ATG13: variants seen among roughly 807,000 people sequenced by gnomAD.
The protein encoded by ATG13 is autophagy-related protein 13.
A neutral mutation model predicts 65.5 loss-of-function variants in ATG13; 23 were observed. The observed-to-expected ratio is 0.35, with a 90% CI of 0.25 to 0.50. The LOEUF (loss-of-function observed/expected upper bound fraction) is 0.50, where lower values mean the gene tolerates loss of function less well. ATG13 is among the 20% of genes least tolerant of loss of function. ATG13 has a pLI of 0.98. For synonymous variants in ATG13, 252 were observed against 245.2 expected (o/e 1.03, Z -0.26); for missense variants, 566 against 677.0 (o/e 0.84, Z 1.82).
In ATG13 at chr11:46,659,441, C is replaced by G. The variant is rs763636074; in HGVS notation, c.745C>G (p.Gln249Glu). The G allele has an allele frequency of 1.2e-6, 2 of 1,613,982 alleles. No individual in the cohort carries two copies. Among genetic ancestry groups the G allele is most frequent in the Admixed American group, 3.3e-5 (2 of 60,002 alleles). ...GVIYPSVEDS[Q>E]EVCTTSFSTS... ...AATATACCCGTCTGTAGAAGACTCT[C>G]AAGAAGTGTGTACCACCTCTTTTTC... is the stretch of plus-strand genomic sequence containing the variant. The change falls in exon 11 of 19, where the codon CAA becomes GAA. Residue 249 changes from glutamine (Q) to glutamate (E), a missense_variant. Physicochemically the swap from Gln to Glu is conservative, Grantham distance 29 (BLOSUM62 2). This residue lies in a region of ATG13 where 387 missense variants were observed against 409.8 expected (regional missense o/e 0.94). Transcript: ENST00000683050.
intron 2 of ATG13, chr11:46,630,756 CAA>C (rs1319546777): frequency 6.6e-6 from 1 of 151,784 alleles, no homozygotes; most frequent in African/African-American, 2.4e-5. Flanking sequence ...TTTGCAGAAA[CAA>C]GGTGTCACTA....
chr11:46,655,243 C>CA (rs1448641348), intron 7 of ATG13, among the ~76,000 whole-genome samples: 10 of 152,018 alleles, frequency 6.6e-5, no homozygotes, highest in African/African-American at 1.9e-4. Context: ...ACTAAAAATA[C>CA]AAAAAATTAG....
chr11:46,645,928 C>T lies in ATG13; in HGVS notation c.209C>T (p.Ala70Val), dbSNP rs556193895. The T allele has an allele frequency of 8.7e-6, 14 of 1,614,202 alleles. No homozygotes were observed. The highest frequency in any genetic ancestry group is 1.2e-5 in the Non-Finnish European group (14 of 1,180,018). Reference sequence around the variant, plus strand: ...ACACATGAAGCAAAGAAGGCACTGGCAGGACAGCTGCCTGCAGTCGGGAGG... The same window carrying T: ...ACACATGAAGCAAAGAAGGCACTGGTAGGACAGCTGCCTGCAGTCGGGAGG... ...EVTHEAKKAL[A>V]GQLPAVGRSM... Residue 70 changes from alanine to valine, a missense_variant, in exon 5 of 19, where the codon GCA becomes GTA. Physicochemically the swap from Ala to Val is moderately conservative, Grantham distance 64 (BLOSUM62 0). Transcript: ENST00000683050.
In ATG13 at chr11:46,672,505, G is replaced by A; in HGVS notation, c.*173G>A. The A allele has an allele frequency of 6.8e-7, 1 of 1,480,344 alleles. No individual in the cohort carries two copies. The highest frequency in any genetic ancestry group is 9.0e-7 in the Non-Finnish European group (1 of 1,117,008). The allele number at this position is 1,480,344 out of a possible 1,614,324, so 91.7% of individuals were successfully genotyped here. A position where few individuals can be genotyped will look rare whatever the true frequency, so the allele number is the denominator to read the frequency against. ...CTCTTGGACCTCCTGGAGACTCCGT[G>A]GCGGCAGTCAAGCCCAGTGCCCAGT... On this transcript the variant is annotated 3_prime_UTR_variant, in exon 19 of 19. Transcript: ENST00000683050.
intron 11 of ATG13, among the ~76,000 whole-genome samples, chr11:46,660,915 G>T (rs1260290799): frequency 6.6e-6 from 1 of 151,818 alleles, no homozygotes; most frequent in South Asian, 2.1e-4. Flanking sequence ...TTGCCATGTT[G>T]CCCAGGCTGG....
At chr11:46,650,462 A>C (rs769357200) in intron 7 of ATG13, 145 bp downstream of exon 7, 3 of 1,144,730 alleles carry the variant, frequency 2.6e-6, no homozygotes, top group Non-Finnish European at 3.7e-6. Flanking sequence ...TGTGATCACT[A>C]TCCAGCCTGC....
chr11:46,641,760 A>T (rs1156670029), intron 2 of ATG13, among the ~76,000 whole-genome samples: 3 of 144,310 alleles, frequency 2.1e-5, no homozygotes, highest in Non-Finnish European at 3.0e-5. Context: ...GTTATACCTG[A>T]TTTTTTTTTT....
At chr11:46,623,617 G>A (rs1403354083) in intron 1 of ATG13, among the ~76,000 whole-genome samples, 3 of 151,916 alleles carry the variant, frequency 2.0e-5, no homozygotes, top group Non-Finnish European at 4.4e-5. Context: ...TAGTAGAAAT[G>A]GGGTTTCACC....
intron 5 of ATG13, among the ~76,000 whole-genome samples, chr11:46,647,270 T>G (rs1234442631): frequency 9.6e-6 from 1 of 103,666 alleles, no homozygotes; most frequent in East Asian, 3.2e-4. Flanking sequence ...TTTGGGTTTT[T>G]GTTTTTTTTG....
chr11:46,659,670 C>T, intron 11 of ATG13, 185 bp downstream of exon 11: 1 of 528,322 alleles, frequency 1.9e-6, no homozygotes, highest in Non-Finnish European at 3.4e-6. Flanking sequence ...TGTAATTATT[C>T]ATAACCTTCA....
intron 2 of ATG13, among the ~76,000 whole-genome samples, chr11:46,635,225 C>T (rs1276882672): frequency 2.0e-5 from 3 of 151,696 alleles, no homozygotes; most frequent in African/African-American, 4.9e-5. Flanking sequence ...AGGCTGGTCT[C>T]GAACTCCTGA....
At chr11:46,631,543 A>G (rs2051746500) in intron 2 of ATG13, among the ~76,000 whole-genome samples, 2 of 152,184 alleles carry the variant, frequency 1.3e-5, no homozygotes, top group Admixed American at 6.5e-5. Context: ...CAATGGGATA[A>G]TTTGTTTTTT....
chr11:46,621,219 T>C (rs1404250978), intron 1 of ATG13: 1 of 152,198 alleles, frequency 6.6e-6, no homozygotes, highest in Non-Finnish European at 1.5e-5. Flanking sequence ...TTCTCCATGT[T>C]GGTCAGGCTG....
At chr11:46,668,610 A>G (rs201947029) in intron 16 of ATG13, 34 bp downstream of exon 16, 4 of 1,594,996 alleles carry the variant, frequency 2.5e-6, no homozygotes, top group African/African-American at 2.7e-5. Context: ...TTCCCAGTAG[A>G]TGGTGCGCTA....
chr11:46,626,461 G>A (rs889451718), intron 1 of ATG13, among the ~76,000 whole-genome samples: 2 of 152,084 alleles, frequency 1.3e-5, no homozygotes, highest in African/African-American at 2.4e-5. Context: ...TATTGGCCAG[G>A]CTGATCTCGA....
intron 14 of ATG13, among the ~76,000 whole-genome samples, chr11:46,666,554 A>C (rs1253724278): frequency 6.6e-6 from 1 of 152,252 alleles, no homozygotes; most frequent in Non-Finnish European, 1.5e-5. Context: ...TTAGATAGGA[A>C]GTGAACGTTC....
intron 1 of ATG13, among the ~76,000 whole-genome samples, chr11:46,628,961 G>C (rs1433925619): frequency 6.7e-6 from 1 of 148,164 alleles, no homozygotes. Flanking sequence ...TTTGGAGACG[G>C]AGTCTCACTG....
intron 1 of ATG13, among the ~76,000 whole-genome samples, chr11:46,626,431 G>A (rs2049660469): frequency 6.6e-6 from 1 of 151,934 alleles, no homozygotes; most frequent in Non-Finnish European, 1.5e-5. Context: ...CTTATTTTGA[G>A]TAGAGACAGG....
At chr11:46,625,995 G>T (rs921167881) in intron 1 of ATG13, among the ~76,000 whole-genome samples, 1 of 152,052 alleles carries the variant, frequency 6.6e-6, no homozygotes, top group South Asian at 2.1e-4. Flanking sequence ...GGAGTCTGTC[G>T]CCCAGGCTGG....
Sources: gnomAD v4.1 joint callset for allele counts (sites outside exome capture counted in the v4.1 genomes callset) on GRCh38, gnomAD v4.1.1 for gene constraint, gnomAD v4.1.1 regional missense constraint, MANE v1.5 for transcripts, NCBI Gene and HGNC (gene_info 2026-07-23, HGNC 2026-07-21) for gene names.